The following TBCD variants were observed in gnomAD, a reference collection of about 807,000 sequenced individuals.
The protein encoded by TBCD is tubulin folding cofactor D.
In TBCD, 105 loss-of-function variants were observed where a neutral mutation model predicts 169.3. The observed-to-expected ratio is 0.62, with a 90% CI of 0.53 to 0.73. The LOEUF is 0.73. Among genes scored for constraint, TBCD ranks in the 30% least tolerant of loss-of-function variants. TBCD has a pLI of 0.00. For synonymous variants in TBCD, 700 were observed against 643.9 expected, an observed-to-expected ratio of 1.09 and a Z score of -1.32; for missense variants, 1,444 against 1,600.1, an observed-to-expected ratio of 0.90 and a Z score of 1.66.
At chr17:82,909,697 C>T (rs182695762) in intron 22 of TBCD, among the ~76,000 whole-genome samples, 6 of 105,116 alleles carry the variant, frequency 5.7e-5, no homozygotes, top group East Asian at 2.7e-4. Flanking sequence ...TTGGGTTGAG[C>T]GGGTGTCACC....
At position 82,884,240 on chromosome 17, in the gene TBCD, TG is replaced by T. The variant is rs1484471299; in HGVS notation, c.1533+44del. On this transcript the variant is annotated intron_variant, in intron 15 of 38. Transcript: ENST00000355528. This position sits in a 1 kb window ranked among gnomAD's most constrained non-coding sequence, Gnocchi z 4.2. ...ATTTTGATATTTCCTTTCCTGAAGG[TG>T]GGGGGTGGGCCTGGTCTCCCTGATG... The T allele has an allele frequency of 3.9e-6, 6 of 1,556,314 alleles. No homozygotes were observed. The highest frequency in any genetic ancestry group is 4.4e-6 in the Non-Finnish European group (5 of 1,144,774).
Position 82,909,323 on chromosome 17 carries a change from C to T in TBCD, c.2006+16C>T. 6.6e-7 allele frequency: 1 copy of T among 1,523,384 alleles called. No homozygotes were observed. The highest frequency in any genetic ancestry group is 8.9e-7 in the Non-Finnish European group (1 of 1,122,782). The allele number at this position is 1,523,384 out of a possible 1,614,324, so 94.4% of individuals were successfully genotyped here. On this transcript the variant is annotated intron_variant, in intron 22 of 38. Transcript: ENST00000355528. Reference sequence around the variant, plus strand: ...AGTTATACAGGTGAGCTTTACAAAACCAAAGTTCTTATATCTGTGTCCTAA... The same window carrying T: ...AGTTATACAGGTGAGCTTTACAAAATCAAAGTTCTTATATCTGTGTCCTAA...
chr17:82,862,749 C>G (rs1260453679), intron 13 of TBCD, among the ~76,000 whole-genome samples: 1 of 152,238 alleles, frequency 6.6e-6, no homozygotes, highest in Non-Finnish European at 1.5e-5. Flanking sequence ...GCCTCTCTGC[C>G]TGTGCACGTG....
intron 13 of TBCD, among the ~76,000 whole-genome samples, chr17:82,826,716 G>T (rs550744736): frequency 3.2e-4 from 49 of 151,810 alleles, no homozygotes; most frequent in African/African-American, 1.2e-3. Context: ...ATGCCTGGCC[G>T]TGAGCCATGC....
rs761114963 is a variant in TBCD at position 82,927,958 on chromosome 17, G to A, written c.2663G>A (p.Arg888Gln). 47 of 1,612,580 alleles carry A rather than the reference G, an allele frequency of 2.9e-5. No individual in the cohort carries two copies. The highest frequency in any genetic ancestry group is 8.0e-5 in the African/African-American group (6 of 74,918). Reference sequence around the variant, plus strand: ...ATGGATCTGACACTTCTGCTGGCTCGGAGCCAGCCTGAGCTGATCGAGGCC... The same window carrying A: ...ATGGATCTGACACTTCTGCTGGCTCAGAGCCAGCCTGAGCTGATCGAGGCC... ...SLMDLTLLLA[R>Q]SQPELIEAHT... Residue 888 changes from arginine (R) to glutamine (Q), a missense_variant, in exon 30 of 39, where the codon CGG (arginine) becomes CAG (glutamine). Coordinates refer to ENST00000355528, the MANE Select transcript of TBCD (RefSeq NM_005993.5).
intron 23 of TBCD, among the ~76,000 whole-genome samples, chr17:82,912,344 G>C (rs1399104141): frequency 6.6e-6 from 1 of 152,242 alleles, no homozygotes; most frequent in African/African-American, 2.4e-5. Flanking sequence ...AGGACAGTCG[G>C]GCATTTTTTC....
rs532558103 is a variant in TBCD, at chr17:82,871,247, C to T, written c.1475+867C>T. 3.3e-5 allele frequency among the ~76,000 whole-genome samples: 5 copies of T among 152,110 alleles called. 1 individual carries two copies. The highest frequency in any genetic ancestry group is 2.1e-4 in the South Asian group (1 of 4,824). On this transcript the variant is annotated intron_variant, in intron 14 of 38. Coordinates refer to ENST00000355528, the MANE Select transcript of TBCD (RefSeq NM_005993.5). ...AAACATGCAAAACATGTGTCCCCAG[C>T]GCAGGAAACGATTCAATTCAATTCA...
intron 34 of TBCD, among the ~76,000 whole-genome samples, chr17:82,934,060 C>T (rs1341811874): frequency 6.6e-6 from 1 of 152,238 alleles, no homozygotes; most frequent in African/African-American, 2.4e-5. Flanking sequence ...TTGGGTGGTT[C>T]GTCCCCAGCC....
At chr17:82,940,956 G>GT (rs984548141) in intron 37 of TBCD, among the ~76,000 whole-genome samples, 1 of 150,868 alleles carries the variant, frequency 6.6e-6, no homozygotes, top group Non-Finnish European at 1.5e-5. Flanking sequence ...TCCCCTTTCT[G>GT]TTAAAAAAAA....
In TBCD at chr17:82,923,549, C is replaced by A; in HGVS notation, c.2179-103C>A. ...TGACCTCAGGGTGACCACGGTGTCC[C>A]TGGTCAGGTGCTTCTCCGACTTCAG... On this transcript the variant is annotated intron_variant, in intron 25 of 38. Transcript: ENST00000355528. The surrounding 1 kb of genome is among the most constrained non-coding windows in gnomAD (Gnocchi z 4.6). 1.1e-6 allele frequency: 1 copy of A among 930,980 alleles called. No homozygotes were observed. The highest frequency in any genetic ancestry group is 1.7e-6 in the Non-Finnish European group (1 of 603,650). 57.7% of individuals were successfully genotyped at this position (930,980 alleles called of 1,614,324 possible). A position where few individuals can be genotyped will look rare whatever the true frequency, so the allele number is the denominator to read the frequency against.
rs745606571 is a variant in TBCD, at chr17:82,831,075, TTTC to T, written c.1318+16144_1318+16146del. The T allele has an allele frequency of 5.7e-5, 92 of 1,614,170 alleles. No homozygotes were observed. In the African/African-American group the frequency reaches 1.1e-3, roughly 20 times the overall value. ...CCTGGGCAGGTAGGCATTCTGTGCT[TTTC>T]TTAACAGGCCTGAAGGCTGTGAGGC... On this transcript the variant is annotated intron_variant, in intron 13 of 38. Transcript: ENST00000355528. This position sits in a 1 kb window ranked among gnomAD's most constrained non-coding sequence, Gnocchi z 4.6.
In TBCD at chr17:82,906,071, CGAG is replaced by C. The variant is rs1568007140; in HGVS notation, c.1922+22_1922+24del. 1 of 1,566,622 alleles carries C rather than the reference CGAG, an allele frequency of 6.4e-7. No homozygotes were observed. Among genetic ancestry groups the C allele is most frequent in the South Asian group, 1.2e-5 (1 of 86,444 alleles). Reference sequence around the variant, plus strand: ...GAGAACAGGTAGGAAGAGTGGGTCTCGAGGAGACACAGGGCTCTGTCCCTGATC... The same window carrying C: ...GAGAACAGGTAGGAAGAGTGGGTCTCGAGACACAGGGCTCTGTCCCTGATC... On this transcript the variant is annotated intron_variant, in intron 20 of 38. Transcript: ENST00000355528.
intron 35 of TBCD, chr17:82,937,774 A>AG: frequency 1.7e-6 from 2 of 1,177,558 alleles, no homozygotes; most frequent in Non-Finnish European, 2.3e-6. Context: ...TGGCTCCTTG[A>AG]GGTGGGGGTC....
At position 82,890,586 on chromosome 17, in the gene TBCD, G is replaced by C. The variant is rs879867213; in HGVS notation, c.1563+889G>C. ...GTCAGCTGGAGAGGCGGGCGGACGA[G>C]GACTTGCGCCTGTTATTGAAATGGT... On this transcript the variant is annotated intron_variant, in intron 16 of 38. Coordinates refer to ENST00000355528, the MANE Select transcript of TBCD (RefSeq NM_005993.5). The surrounding 1 kb of genome is among the most constrained non-coding windows in gnomAD (Gnocchi z 5.3). Among the ~76,000 whole-genome samples the C allele has an allele frequency of 6.6e-5, 10 of 152,148 alleles. No homozygotes were observed. The highest frequency in any genetic ancestry group is 1.2e-4 in the African/African-American group (5 of 41,436).
At chr17:82,907,360 CT>C (rs1182271215) in intron 20 of TBCD, among the ~76,000 whole-genome samples, 1 of 152,168 alleles carries the variant, frequency 6.6e-6, no homozygotes, top group Non-Finnish European at 1.5e-5. Flanking sequence ...CTAACATCCT[CT>C]TCCTTTGACC....
At chr17:82,905,239 C>T (rs1390481514) in intron 19 of TBCD, among the ~76,000 whole-genome samples, 2 of 152,254 alleles carry the variant, frequency 1.3e-5, no homozygotes, top group Non-Finnish European at 2.9e-5. Context: ...GGCCACCCTA[C>T]ACCGACAGGG....
chr17:82,936,738 C>A (rs1021086424), intron 34 of TBCD, among the ~76,000 whole-genome samples: 4 of 152,204 alleles, frequency 2.6e-5, no homozygotes, highest in Non-Finnish European at 4.4e-5. Flanking sequence ...CCTTCTCCTC[C>A]CTGGAGTGGC....
chr17:82,875,599 G>T (rs1274986952), intron 14 of TBCD, among the ~76,000 whole-genome samples: 1 of 152,224 alleles, frequency 6.6e-6, no homozygotes, highest in African/African-American at 2.4e-5. Flanking sequence ...CTGCTGAGCG[G>T]CGCGGCCCAG....
At chr17:82,815,934 G>A (rs991454106) in intron 13 of TBCD, among the ~76,000 whole-genome samples, 3 of 152,062 alleles carry the variant, frequency 2.0e-5, no homozygotes, top group Non-Finnish European at 4.4e-5. Context: ...GCCATAAAAT[G>A]CACTCATTTA....
Sources: gnomAD v4.1 joint callset for allele counts (sites outside exome capture counted in the v4.1 genomes callset) on GRCh38, gnomAD v4.1.1 for gene constraint, Gnocchi (gnomAD v3.1) non-coding constraint, MANE v1.5 for transcripts, NCBI Gene and HGNC (gene_info 2026-07-23, HGNC 2026-07-21) for gene names.